Variants in RCAN2 observed in about 807,000 individuals in gnomAD.
RCAN2 encodes the protein regulator of calcineurin 2, also known as calcipressin-2.
Under a neutral mutation model 23.6 loss-of-function variants are expected in RCAN2, and 9 were observed. The ratio of observed to expected loss-of-function variants is 0.38; its 90% CI spans 0.23 to 0.67. RCAN2 has a LOEUF of 0.67. Ranked by LOEUF, RCAN2 falls within the 30% of genes least tolerant of loss-of-function variation. The pLI, the probability that RCAN2 is intolerant of heterozygous loss-of-function variation, is 0.51. For missense variants in RCAN2, 273 were observed against 302.3 expected (o/e 0.90, Z 0.72); for synonymous variants, 109 against 115.7 (o/e 0.94, Z 0.37).
At chr6:46,271,760 G>A (rs1048407898) in intron 2 of RCAN2, among the ~76,000 whole-genome samples, 1 of 152,162 alleles carries the variant, frequency 6.6e-6, no homozygotes, top group Admixed American at 6.5e-5. Context: ...TGGTAGTAGG[G>A]ATAACCTGGA....
At chr6:46,379,174 A>G (rs1317870842) in intron 2 of RCAN2, among the ~76,000 whole-genome samples, 2 of 152,168 alleles carry the variant, frequency 1.3e-5, no homozygotes, top group African/African-American at 4.8e-5. Context: ...CTAGAGGGTG[A>G]AGGTAGTTTG....
chr6:46,406,809 A>AT (rs1766418788), intron 2 of RCAN2, among the ~76,000 whole-genome samples: 1 of 152,208 alleles, frequency 6.6e-6, no homozygotes, highest in Admixed American at 6.5e-5. Flanking sequence ...AATCCCTGAC[A>AT]TTTTATATTT....
Position 46,272,931 on chromosome 6 carries a change from A to C in RCAN2, c.226-24035T>G, listed in dbSNP as rs181943168. Among the ~76,000 whole-genome samples the C allele has an allele frequency of 2.6e-4, 40 of 152,298 alleles. No homozygotes were observed. The East Asian group carries it at 7.3e-3, about 28-fold the overall frequency. On this transcript the variant is annotated intron_variant, in intron 2 of 4. Coordinates refer to ENST00000371374, the MANE Select transcript of RCAN2 (RefSeq NM_001251974.2). ...GATGTTATGAATAAGTTCCATGTTC[A>C]CCGTATCTAAGCCCCTCTAAGCGTC...
At chr6:46,266,089 C>G (rs570699714) in intron 2 of RCAN2, among the ~76,000 whole-genome samples, 2 of 152,120 alleles carry the variant, frequency 1.3e-5, no homozygotes, top group African/African-American at 4.8e-5. Context: ...AGTCTCTAGA[C>G]CTACTAATTT....
chr6:46,471,761 C>T (rs1199885327), intron 1 of RCAN2, among the ~76,000 whole-genome samples: 1 of 152,052 alleles, frequency 6.6e-6, no homozygotes, highest in African/African-American at 2.4e-5. Flanking sequence ...TGAAACACAC[C>T]ACAATTTTAG....
intron 2 of RCAN2, among the ~76,000 whole-genome samples, chr6:46,326,898 T>G (rs1763811210): frequency 6.6e-6 from 1 of 152,248 alleles, no homozygotes; most frequent in South Asian, 2.1e-4. Context: ...CAAGGCATTT[T>G]CTATGCTAAA....
rs548552595 is a variant in RCAN2 at position 46,468,061 on chromosome 6, A to T, written c.-2-11083T>A. On this transcript the variant is annotated intron_variant, in intron 1 of 4. Transcript: ENST00000371374. ...ACAGCTATAAATTGGGACTACTGAGAGGTCCAAATGAGATAATCCTAGTAA... is the reference window on the plus strand; with the variant it reads ...ACAGCTATAAATTGGGACTACTGAGTGGTCCAAATGAGATAATCCTAGTAA... 2.6e-5 allele frequency among the ~76,000 whole-genome samples: 4 copies of T among 152,356 alleles called. No individual in the cohort carries two copies. The East Asian group carries it at 7.7e-4, about 29-fold the overall frequency.
intron 2 of RCAN2, among the ~76,000 whole-genome samples, chr6:46,355,581 T>G (rs1283504013): frequency 1.3e-5 from 2 of 152,216 alleles, no homozygotes; most frequent in Non-Finnish European, 2.9e-5. Flanking sequence ...TAAAATGCTT[T>G]GAAAAACACT....
At chr6:46,386,939 A>G (rs1458529001) in intron 2 of RCAN2, among the ~76,000 whole-genome samples, 2 of 152,234 alleles carry the variant, frequency 1.3e-5, no homozygotes, top group Non-Finnish European at 2.9e-5. Context: ...GCCCTTAGAA[A>G]TAATACCACA....
intron 1 of RCAN2, among the ~76,000 whole-genome samples, chr6:46,460,833 T>C (rs1365366671): frequency 6.6e-6 from 1 of 152,202 alleles, no homozygotes; most frequent in African/African-American, 2.4e-5. Context: ...AATGTCCAAC[T>C]TAAAATGTAT....
intron 2 of RCAN2, among the ~76,000 whole-genome samples, chr6:46,411,580 T>A (rs912193785): frequency 2.6e-5 from 4 of 152,168 alleles, no homozygotes; most frequent in African/African-American, 9.7e-5. Flanking sequence ...TCTTCTGTCA[T>A]GGAGGTTTTG....
intron 2 of RCAN2, among the ~76,000 whole-genome samples, chr6:46,414,048 G>C (rs115302052): frequency 6.6e-6 from 1 of 152,132 alleles, no homozygotes; most frequent in East Asian, 1.9e-4. Flanking sequence ...TGGGAGTAAT[G>C]GGCCAATCTG....
chr6:46,233,006 A>G (rs948482208), intron 4 of RCAN2, among the ~76,000 whole-genome samples: 1 of 151,950 alleles, frequency 6.6e-6, no homozygotes, highest in African/African-American at 2.4e-5. Flanking sequence ...CCTCCATTCT[A>G]CATATTTTTT....
At chr6:46,458,885 A>ACGCGCGCGCGCGCG (rs57258359) in intron 1 of RCAN2, among the ~76,000 whole-genome samples, 5 of 148,056 alleles carry the variant, frequency 3.4e-5, no homozygotes, top group African/African-American at 1.3e-4. Flanking sequence ...TTACAGGAAA[A>ACGCGCGCGCGCGCG]CGCGCGCGCA....
At position 46,222,425 on chromosome 6, in the gene RCAN2, G is replaced by A. The variant is rs1044678631; in HGVS notation, c.*716C>T. Reference sequence around the variant, plus strand: ...AAGCCTCCCCAACGAGGCTGGGAGAGTTCTACAGGGGAGTGGTGTTTGAAA... The same window carrying A: ...AAGCCTCCCCAACGAGGCTGGGAGAATTCTACAGGGGAGTGGTGTTTGAAA... On this transcript the variant is annotated 3_prime_UTR_variant, in exon 5 of 5. Transcript: ENST00000371374. 1.3e-5 allele frequency: 2 copies of A among 154,614 alleles called. No individual in the cohort carries two copies. The highest frequency in any genetic ancestry group is 4.8e-5 in the African/African-American group (2 of 41,560). 9.6% of individuals were successfully genotyped at this position (154,614 alleles called of 1,614,324 possible).
intron 2 of RCAN2, among the ~76,000 whole-genome samples, chr6:46,353,483 G>T (rs1764725082): frequency 6.6e-6 from 1 of 152,108 alleles, no homozygotes; most frequent in Non-Finnish European, 1.5e-5. Flanking sequence ...AAAGTATCTT[G>T]ATGAAAATTT....
rs116356833 is a variant in RCAN2, at chr6:46,307,259, C to T, written c.226-58363G>A. ...GGTTAGTCAGGGAGATGTTTGCAAA[C>T]GCAAACTACTATAATACAACACAGT... On this transcript the variant is annotated intron_variant, in intron 2 of 4. Transcript: ENST00000371374. Among the ~76,000 whole-genome samples the T allele has an allele frequency of 1.7e-3, 262 of 152,216 alleles. 2 individuals carry two copies. The highest frequency in any genetic ancestry group is 5.7e-3 in the African/African-American group (236 of 41,534).
intron 2 of RCAN2, among the ~76,000 whole-genome samples, chr6:46,406,877 AT>A (rs1158372108): frequency 6.6e-6 from 1 of 152,222 alleles, no homozygotes; most frequent in Non-Finnish European, 1.5e-5. Flanking sequence ...CTTCCCCAAG[AT>A]AAAAATTACA....
At chr6:46,481,029 G>C (rs1468534032) in intron 1 of RCAN2, among the ~76,000 whole-genome samples, 2 of 152,206 alleles carry the variant, frequency 1.3e-5, no homozygotes, top group African/African-American at 4.8e-5. Context: ...GAATAAATAT[G>C]ATGGATAGTC....
Sources: allele counts gnomAD v4.1 joint callset (sites outside exome capture counted in the v4.1 genomes callset), GRCh38; gene constraint gnomAD v4.1.1; transcripts MANE v1.5; gene names NCBI Gene and HGNC (gene_info 2026-07-23, HGNC 2026-07-21).